Variants in GNA14 observed in about 807,000 individuals in gnomAD.
The protein encoded by GNA14 is guanine nucleotide-binding protein subunit alpha-14.
GNA14 carries 50 observed loss-of-function variants against 42.0 expected under a neutral mutation model. That is an observed-to-expected ratio of 1.19 (90% CI 0.95 to 1.51). The LOEUF is 1.51. Ranked by LOEUF, GNA14 falls within the 40% of genes most tolerant of loss-of-function variation. The pLI is 0.00. For synonymous variants in GNA14, 173 were observed against 163.1 expected, an observed-to-expected ratio of 1.06 and a Z score of -0.46; for missense variants, 473 against 446.2, an observed-to-expected ratio of 1.06 and a Z score of -0.54.
intron 2 of GNA14, among the ~76,000 whole-genome samples, chr9:77,489,893 T>G (rs1024217304): frequency 2.0e-5 from 3 of 152,036 alleles, no homozygotes; most frequent in Admixed American, 2.0e-4. Context: ...TTCCACAATG[T>G]GGAAGGGGAC....
rs528399031 is a variant in GNA14 at position 77,557,749 on chromosome 9, T to C, written c.125-28496A>G. On this transcript the variant is annotated intron_variant, in intron 1 of 6. Coordinates refer to ENST00000341700, the MANE Select transcript of GNA14 (RefSeq NM_004297.4). ...ACACCATAGAAGATTAAGTAACCTT[T>C]AGCATTCATGACTAGACAATCCCTA... Among the ~76,000 whole-genome samples the C allele has an allele frequency of 9.2e-5, 14 of 152,300 alleles. No homozygotes were observed. The South Asian group carries it at 2.9e-3, about 32-fold the overall frequency.
intron 2 of GNA14, among the ~76,000 whole-genome samples, chr9:77,457,488 C>T (rs1836023220): frequency 6.6e-6 from 1 of 152,182 alleles, no homozygotes. Context: ...TTCCATAGTA[C>T]TCCATCAGTG....
At position 77,526,076 on chromosome 9, in the gene GNA14, AT is replaced by A. The variant is rs34362442; in HGVS notation, c.309+2992del. ...ACCATCACACCCGGCTAATTTTTGT[AT>A]TTTTTTTTTTTTTTTTGGAGATGGG... On this transcript the variant is annotated intron_variant, in intron 2 of 6. Coordinates refer to ENST00000341700, the MANE Select transcript of GNA14 (RefSeq NM_004297.4). Among the ~76,000 whole-genome samples the A allele has an allele frequency of 6.2e-3, 776 of 125,058 alleles. 3 individuals carry two copies. The highest frequency in any genetic ancestry group is 0.014 in the Middle Eastern group (3 of 216). The allele number at this position is 125,058 out of a possible 152,430, so 82.0% of individuals were successfully genotyped here. A position where few individuals can be genotyped will look rare whatever the true frequency, so the allele number is the denominator to read the frequency against.
In GNA14 at chr9:77,568,491, CAA is replaced by C. The variant is rs35795655; in HGVS notation, c.125-39240_125-39239del. Reference sequence around the variant, plus strand: ...TGGGTGACAGAGAGAGACTCCATCTCAAAAAAAAAAAAAAGAAAGAAAGAAAG... The same window carrying C: ...TGGGTGACAGAGAGAGACTCCATCTCAAAAAAAAAAAAGAAAGAAAGAAAG... On this transcript the variant is annotated intron_variant, in intron 1 of 6. Coordinates refer to ENST00000341700, the MANE Select transcript of GNA14 (RefSeq NM_004297.4). 7.8e-3 allele frequency among the ~76,000 whole-genome samples: 990 copies of C among 126,852 alleles called. 7 individuals carry two copies. The highest frequency in any genetic ancestry group is 0.02 in the African/African-American group (687 of 34,832). The allele number at this position is 126,852 out of a possible 152,430, so 83.2% of individuals were successfully genotyped here. A position where few individuals can be genotyped will look rare whatever the true frequency, so the allele number is the denominator to read the frequency against.
chr9:77,601,219 A>G (rs1427963121), intron 1 of GNA14, among the ~76,000 whole-genome samples: 1 of 152,132 alleles, frequency 6.6e-6, no homozygotes, highest in East Asian at 1.9e-4. Flanking sequence ...CTTTTGCCCA[A>G]TAAATTCCAT....
intron 1 of GNA14, among the ~76,000 whole-genome samples, chr9:77,558,375 G>A (rs140443106): frequency 6.6e-6 from 1 of 152,230 alleles, no homozygotes; most frequent in Non-Finnish European, 1.5e-5. Context: ...GAGAGGGGGA[G>A]TTCATTATAC....
rs907867104 is a variant in GNA14 at position 77,434,295 on chromosome 9, G to A, written c.464+73C>T. ...GCACCGCATTTCAGCAGCGTTCAGC[G>A]AGAAACTTCTTTGAAGTGTGGCCGA... On this transcript the variant is annotated intron_variant, in intron 3 of 6. Transcript: ENST00000341700. The A allele has an allele frequency of 1.3e-5, 18 of 1,404,220 alleles. No individual in the cohort carries two copies. In the African/African-American group the frequency reaches 1.6e-4, roughly 12 times the overall value. 87.0% of individuals were successfully genotyped at this position (1,404,220 alleles called of 1,614,324 possible).
At chr9:77,496,653 G>A (rs1432209357) in intron 2 of GNA14, among the ~76,000 whole-genome samples, 2 of 152,166 alleles carry the variant, frequency 1.3e-5, no homozygotes, top group Admixed American at 1.3e-4. Flanking sequence ...GGAATTCCTA[G>A]GTACATTCTT....
At chr9:77,581,817 C>T (rs1823228671) in intron 1 of GNA14, among the ~76,000 whole-genome samples, 1 of 152,188 alleles carries the variant, frequency 6.6e-6, no homozygotes, top group African/African-American at 2.4e-5. Flanking sequence ...CATCCAACTT[C>T]ATCTGTTGGT....
At chr9:77,604,948 T>A (rs375032726) in intron 1 of GNA14, among the ~76,000 whole-genome samples, 4 of 152,218 alleles carry the variant, frequency 2.6e-5, no homozygotes, top group African/African-American at 9.6e-5. Flanking sequence ...CCTCGTGCCA[T>A]GTCACAGAAA....
chr9:77,440,347 G>A (rs938077479), intron 2 of GNA14, among the ~76,000 whole-genome samples: 3 of 152,182 alleles, frequency 2.0e-5, no homozygotes, highest in Non-Finnish European at 4.4e-5. Flanking sequence ...CTCTGGCTGG[G>A]ACCCAGAGCC....
intron 2 of GNA14, among the ~76,000 whole-genome samples, chr9:77,525,975 C>T (rs1837430782): frequency 6.6e-6 from 1 of 151,542 alleles, no homozygotes; most frequent in Admixed American, 6.6e-5. Flanking sequence ...CATCTGAGCT[C>T]ACTGCAACCT....
At chr9:77,435,719 T>A (rs888939659) in intron 2 of GNA14, among the ~76,000 whole-genome samples, 18 of 152,308 alleles carry the variant, frequency 1.2e-4, no homozygotes, top group Admixed American at 6.5e-4. Flanking sequence ...AATGGGAGGC[T>A]AGCATGAGCC....
At chr9:77,440,550 T>C (rs1183548190) in intron 2 of GNA14, among the ~76,000 whole-genome samples, 1 of 152,256 alleles carries the variant, frequency 6.6e-6, no homozygotes. Context: ...TTTACTTATA[T>C]TTTAATTGAC....
At chr9:77,562,278 G>A (rs1203248378) in intron 1 of GNA14, among the ~76,000 whole-genome samples, 1 of 152,116 alleles carries the variant, frequency 6.6e-6, no homozygotes, top group African/African-American at 2.4e-5. Flanking sequence ...AAAGTCTGGG[G>A]AGAAAGAAAG....
At chr9:77,518,675 G>C (rs1197596723) in intron 2 of GNA14, among the ~76,000 whole-genome samples, 1 of 152,158 alleles carries the variant, frequency 6.6e-6, no homozygotes, top group Non-Finnish European at 1.5e-5. Flanking sequence ...CAAATGATTA[G>C]AACACTAGTG....
chr9:77,473,077 G>C (rs1241512435), intron 2 of GNA14, among the ~76,000 whole-genome samples: 1 of 152,126 alleles, frequency 6.6e-6, no homozygotes, highest in Non-Finnish European at 1.5e-5. Context: ...GCATCAAAGA[G>C]GAATAAAATA....
At chr9:77,483,846 A>G (rs768687707) in intron 2 of GNA14, among the ~76,000 whole-genome samples, 1 of 152,018 alleles carries the variant, frequency 6.6e-6, no homozygotes, top group African/African-American at 2.4e-5. Flanking sequence ...TTCTTTGAGA[A>G]AAAGAGAATA....
intron 1 of GNA14, among the ~76,000 whole-genome samples, chr9:77,536,255 A>C (rs1201028933): frequency 2.0e-5 from 3 of 152,234 alleles, no homozygotes; most frequent in Non-Finnish European, 4.4e-5. Context: ...AAAGAAACTA[A>C]GTGACGAGGC....
Sources: gnomAD v4.1 joint callset for allele counts (sites outside exome capture counted in the v4.1 genomes callset) on GRCh38, gnomAD v4.1.1 for gene constraint, MANE v1.5 for transcripts, NCBI Gene and HGNC (gene_info 2026-07-23, HGNC 2026-07-21) for gene names.